The following EYS variants were observed in gnomAD, a reference collection of about 807,000 sequenced individuals.
The protein encoded by EYS is protein eyes shut homolog.
Under a neutral mutation model 282.1 loss-of-function variants are expected in EYS, and 250 were observed. The ratio of observed to expected loss-of-function variants is 0.89; its 90% CI spans 0.80 to 0.98. EYS has a LOEUF of 0.98. EYS is among the 50% of genes least tolerant of loss of function. EYS has a pLI of 0.00. For missense variants in EYS, 4,016 were observed against 3,709.0 expected, an observed-to-expected ratio of 1.08 and a Z score of -2.15; for synonymous variants, 1,355 against 1,282.9, an observed-to-expected ratio of 1.06 and a Z score of -1.20.
At chr6:65,572,177 T>C (rs1764501572) in intron 2 of EYS, among the ~76,000 whole-genome samples, 1 of 152,086 alleles carries the variant, frequency 6.6e-6, no homozygotes, top group Non-Finnish European at 1.5e-5. Flanking sequence ...GTAGACAAGC[T>C]GGAAAATTAT....
intron 9 of EYS, among the ~76,000 whole-genome samples, chr6:65,347,955 C>T (rs1471715837): frequency 6.6e-6 from 1 of 151,610 alleles, no homozygotes; most frequent in Non-Finnish European, 1.5e-5. Context: ...TTTTAAGCTC[C>T]TACAAATACA....
chr6:64,614,771 G>A (rs1767219000), intron 24 of EYS, among the ~76,000 whole-genome samples: 1 of 152,094 alleles, frequency 6.6e-6, no homozygotes, highest in Non-Finnish European at 1.5e-5. Flanking sequence ...GCGTTGAATA[G>A]ATCATGTAAC....
At chr6:64,431,014 A>T (rs902965647) in intron 28 of EYS, among the ~76,000 whole-genome samples, 1 of 152,170 alleles carries the variant, frequency 6.6e-6, no homozygotes, top group Non-Finnish European at 1.5e-5. Flanking sequence ...CTATCTCTAC[A>T]TCTAAAGACT....
rs116646372 is a variant in EYS, at chr6:64,423,310, C to T, written c.5927+12864G>A. On this transcript the variant is annotated intron_variant, in intron 28 of 42. Coordinates refer to ENST00000503581, the MANE Select transcript of EYS (RefSeq NM_001142800.2). Reference sequence around the variant, plus strand: ...GCTATACAGATTAATTTGAAACCATCAAACCTAGACCATTAAGCAATTTAA... The same window carrying T: ...GCTATACAGATTAATTTGAAACCATTAAACCTAGACCATTAAGCAATTTAA... 5.4e-3 allele frequency among the ~76,000 whole-genome samples: 829 copies of T among 152,320 alleles called. 5 individuals are homozygous for T. Among genetic ancestry groups the T allele is most frequent in the African/African-American group, 0.018 (739 of 41,576 alleles).
chr6:64,930,023 T>C (rs1273277789), intron 15 of EYS, among the ~76,000 whole-genome samples: 1 of 152,180 alleles, frequency 6.6e-6, no homozygotes, highest in African/African-American at 2.4e-5. Context: ...TGTAAGTGTC[T>C]GCTATAGATA....
chr6:65,547,856 G>A (rs1430846356), intron 2 of EYS, among the ~76,000 whole-genome samples: 1 of 152,112 alleles, frequency 6.6e-6, no homozygotes, highest in Non-Finnish European at 1.5e-5. Flanking sequence ...TAATCCTTTT[G>A]TGATTTGGGC....
At chr6:64,596,436 A>G (rs921683286) in intron 24 of EYS, among the ~76,000 whole-genome samples, 16 of 152,192 alleles carry the variant, frequency 1.1e-4, no homozygotes, top group Non-Finnish European at 2.9e-5. Context: ...ACAAAGCTGG[A>G]AGCATCATAC....
At chr6:64,921,402 C>A (rs765476672) in intron 15 of EYS, among the ~76,000 whole-genome samples, 3 of 151,568 alleles carry the variant, frequency 2.0e-5, no homozygotes, top group Non-Finnish European at 2.9e-5. Context: ...ACAGATGGAA[C>A]TATAGAAATA....
chr6:65,043,251 C>T (rs999716439), intron 13 of EYS, among the ~76,000 whole-genome samples: 3 of 151,418 alleles, frequency 2.0e-5, no homozygotes, highest in Admixed American at 6.6e-5. Context: ...GAAATATACA[C>T]ATGTAGTAAG....
At chr6:65,593,257 T>C (rs747898937) in intron 2 of EYS, among the ~76,000 whole-genome samples, 3 of 152,044 alleles carry the variant, frequency 2.0e-5, no homozygotes, top group Non-Finnish European at 4.4e-5. Context: ...TTGAGTAGTA[T>C]AGGACATTTG....
At chr6:65,634,798 T>C (rs1234006431) in intron 2 of EYS, among the ~76,000 whole-genome samples, 2 of 152,236 alleles carry the variant, frequency 1.3e-5, no homozygotes, top group African/African-American at 4.8e-5. Context: ...AAGCTGAAGC[T>C]TAGTCCTTGT....
chr6:65,372,694 A>G (rs1765206343), intron 8 of EYS, among the ~76,000 whole-genome samples: 1 of 152,116 alleles, frequency 6.6e-6, no homozygotes, highest in Non-Finnish European at 1.5e-5. Context: ...AATGCAATTG[A>G]CATTGTGAAT....
rs200024782 is a variant in EYS at position 64,844,358 on chromosome 6, GT to G, written c.2993-21537del. On this transcript the variant is annotated intron_variant, in intron 19 of 42. Coordinates refer to ENST00000503581, the MANE Select transcript of EYS (RefSeq NM_001142800.2). ...TAATTTAGAGTTTTTATGCTGTTGG[GT>G]TTTTTTTTTTTTGAGTAGAAGCATA... 5.2e-3 allele frequency among the ~76,000 whole-genome samples: 733 copies of G among 140,694 alleles called. 4 individuals are homozygous for G. Among genetic ancestry groups the G allele is most frequent in the African/African-American group, 0.015 (579 of 38,716 alleles). The allele number at this position is 140,694 out of a possible 152,430, so 92.3% of individuals were successfully genotyped here. A position where few individuals can be genotyped will look rare whatever the true frequency, so the allele number is the denominator to read the frequency against.
chr6:65,670,952 A>C (rs1768373030), intron 1 of EYS, among the ~76,000 whole-genome samples: 1 of 151,864 alleles, frequency 6.6e-6, no homozygotes, highest in African/African-American at 2.4e-5. Flanking sequence ...CCATCTTTTA[A>C]AGCACAAAGA....
At chr6:65,619,517 C>T (rs1022137891) in intron 2 of EYS, among the ~76,000 whole-genome samples, 1 of 152,144 alleles carries the variant, frequency 6.6e-6, no homozygotes, top group Non-Finnish European at 1.5e-5. Context: ...AATTTGACTT[C>T]CTCTTTTCCT....
intron 22 of EYS, among the ~76,000 whole-genome samples, chr6:64,744,812 C>T (rs549743342): frequency 3.9e-4 from 60 of 151,956 alleles, no homozygotes; most frequent in East Asian, 1.2e-3. Flanking sequence ...TTTAATTATG[C>T]GAATTGCTAA....
intron 13 of EYS, among the ~76,000 whole-genome samples, chr6:64,998,012 C>A (rs2150126089): frequency 6.6e-6 from 1 of 152,166 alleles, no homozygotes; most frequent in Middle Eastern, 3.4e-3. Flanking sequence ...TTGTTTTTGG[C>A]AGTACACAAT....
chr6:65,264,488 A>T (rs1767700462), intron 12 of EYS, among the ~76,000 whole-genome samples: 1 of 152,140 alleles, frequency 6.6e-6, no homozygotes, highest in African/African-American at 2.4e-5. Flanking sequence ...TACACCTCAG[A>T]ATAGAAGTAC....
chr6:65,615,948 AAAG>A (rs202133574), intron 2 of EYS, among the ~76,000 whole-genome samples: 1,120 of 83,652 alleles, frequency 0.013, 19 homozygotes, highest in African/African-American at 0.047. Context: ...AAGAAAAAAA[AAAG>A]AAAGAAAAAA....
Sources: allele counts gnomAD v4.1 joint callset (sites outside exome capture counted in the v4.1 genomes callset), GRCh38; gene constraint gnomAD v4.1.1; transcripts MANE v1.5; gene names NCBI Gene and HGNC (gene_info 2026-07-23, HGNC 2026-07-21).